VWF: variants seen among roughly 807,000 people sequenced by gnomAD.
VWF encodes the protein von Willebrand factor.
VWF carries 176 observed loss-of-function variants against 308.6 expected under a neutral mutation model. The ratio of observed to expected loss-of-function variants is 0.57; its 90% confidence interval spans 0.50 to 0.65. The LOEUF is 0.65. VWF is among the 30% of genes least tolerant of loss of function. The pLI is 0.00. For missense variants in VWF, 3,146 were observed against 3,648.2 expected (o/e 0.86, Z 3.55); for synonymous variants, 1,385 against 1,443.4 (o/e 0.96, Z 0.92).
intron 3 of VWF, among the ~76,000 whole-genome samples, chr12:6,116,930 T>G (rs1049524780): frequency 7.2e-5 from 11 of 152,182 alleles, no homozygotes; most frequent in African/African-American, 2.7e-4. Flanking sequence ...GCACGGAAAC[T>G]GAAACTGCAG....
chr12:6,071,625 A>G (rs1944783718), intron 9 of VWF, among the ~76,000 whole-genome samples: 1 of 152,232 alleles, frequency 6.6e-6, no homozygotes, highest in Non-Finnish European at 1.5e-5. Flanking sequence ...CTCAGATACC[A>G]AGAAGTCAAA....
At position 5,968,061 on chromosome 12, in the gene VWF, C is replaced by T. The variant is rs1943424109; in HGVS notation, c.7770+66G>A. Reference sequence around the variant, plus strand: ...TCTGCTTTACAATGACTTGCCTGCTCCCCTTCCCACAGTACCCCCTTCCCT... The same window carrying T: ...TCTGCTTTACAATGACTTGCCTGCTTCCCTTCCCACAGTACCCCCTTCCCT... On this transcript the variant is annotated intron_variant, in intron 46 of 51. Transcript: ENST00000261405. The T allele has an allele frequency of 7.5e-6, 12 of 1,605,006 alleles. No homozygotes were observed. In the South Asian group the frequency reaches 9.9e-5, roughly 13 times the overall value.
At chr12:5,982,132 G>A in intron 41 of VWF, 141 bp from the exon 42 acceptor site, 1 of 717,972 alleles carries the variant, frequency 1.4e-6, no homozygotes, top group Non-Finnish European at 2.3e-6. Context: ...CGGGCTGGGA[G>A]TTATTCAATG....
At chr12:6,084,309 G>A (rs1944946157) in intron 6 of VWF, among the ~76,000 whole-genome samples, 1 of 152,194 alleles carries the variant, frequency 6.6e-6, no homozygotes. Flanking sequence ...CACACTTCCA[G>A]CATCTCCCTG....
chr12:6,114,750 T>C (rs886564456), intron 3 of VWF, among the ~76,000 whole-genome samples: 1 of 152,092 alleles, frequency 6.6e-6, no homozygotes, highest in Admixed American at 6.5e-5. Flanking sequence ...GCTGAGCCTG[T>C]GTGAGGCAGC....
chr12:6,077,004 T>G (rs998501331), intron 6 of VWF, among the ~76,000 whole-genome samples: 5 of 152,144 alleles, frequency 3.3e-5, no homozygotes, highest in African/African-American at 4.8e-5. Context: ...CTCCACCCAC[T>G]TCACCATCAA....
At chr12:6,092,304 A>G (rs1945043182) in intron 6 of VWF, among the ~76,000 whole-genome samples, 1 of 151,228 alleles carries the variant, frequency 6.6e-6, no homozygotes, top group South Asian at 2.1e-4. Context: ...TAAGAGTTAA[A>G]CAGAACTGGC....
chr12:6,021,792 C>T (rs920682610), intron 27 of VWF, 108 bp downstream of exon 27: 4 of 1,273,938 alleles, frequency 3.1e-6, no homozygotes, highest in African/African-American at 1.5e-5. Context: ...TAAACTCAGT[C>T]TCTCAACTCA....
intron 38 of VWF, among the ~76,000 whole-genome samples, chr12:5,990,999 G>A (rs1943735483): frequency 6.6e-6 from 1 of 151,334 alleles, no homozygotes; most frequent in African/African-American, 2.4e-5. Flanking sequence ...CAGATCTTTG[G>A]AGTCACATAG....
intron 34 of VWF, among the ~76,000 whole-genome samples, chr12:6,010,518 T>A (rs1164706650): frequency 6.6e-6 from 1 of 152,232 alleles, no homozygotes; most frequent in African/African-American, 2.4e-5. Flanking sequence ...GAATCTACCC[T>A]GAAGACACAC....
chr12:6,075,656 C>A lies in VWF; in HGVS notation c.658-105G>T. 1 of 1,269,858 alleles carries A rather than the reference C, an allele frequency of 7.9e-7. No individual in the cohort carries two copies. Among genetic ancestry groups the A allele is most frequent in the Non-Finnish European group, 1.1e-6 (1 of 893,720 alleles). The allele number at this position is 1,269,858 out of a possible 1,614,324, so 78.7% of individuals were successfully genotyped here. On this transcript the variant is annotated intron_variant, in intron 6 of 51. Transcript: ENST00000261405. This position sits in a 1 kb window ranked among gnomAD's most constrained non-coding sequence, Gnocchi z 4.7. The stretch of plus-strand genomic sequence containing the variant: ...GGAAACCAAGGCAGCTCCCTCAGCA[C>A]CTGGGACAGGCTGGCACCAAGCACA...
intron 3 of VWF, 97 bp from the exon 4 acceptor site, chr12:6,111,065 G>C: frequency 8.6e-7 from 1 of 1,156,956 alleles, no homozygotes; most frequent in Non-Finnish European, 1.3e-6. Flanking sequence ...TTTCTCAGCA[G>C]AAAACGCCCC....
chr12:5,952,338 A>C, intron 49 of VWF, 53 bp downstream of exon 49: 1 of 1,611,628 alleles, frequency 6.2e-7, no homozygotes, highest in Non-Finnish European at 8.5e-7. Context: ...ATTCAGAAGA[A>C]TCTTGTTCTT....
chr12:6,083,954 A>T (rs1424220322), intron 6 of VWF, among the ~76,000 whole-genome samples: 1 of 152,234 alleles, frequency 6.6e-6, no homozygotes, highest in Non-Finnish European at 1.5e-5. Context: ...ACAAGGTAGA[A>T]GCCCCCACTG....
rs116626507 is a variant in VWF, at chr12:5,998,171, T to A, written c.5843-1949A>T. ...ACAAATGTTCAAAAAGACGTCCAGGTAGCCAAAGTGGGCCCTAATACTTCA... is the reference window on the plus strand; with the variant it reads ...ACAAATGTTCAAAAAGACGTCCAGGAAGCCAAAGTGGGCCCTAATACTTCA... On this transcript the variant is annotated intron_variant, in intron 34 of 51. Transcript: ENST00000261405. 5.9e-3 allele frequency among the ~76,000 whole-genome samples: 893 copies of A among 152,128 alleles called. 12 individuals carry two copies. Among genetic ancestry groups the A allele is most frequent in the African/African-American group, 0.02 (836 of 41,488 alleles).
At chr12:5,957,520 A>T (rs35926634) in intron 47 of VWF, among the ~76,000 whole-genome samples, 36,098 of 151,936 alleles carry the variant, frequency 0.24, 4,705 homozygotes, top group South Asian at 0.33. Context: ...AAAGCATCCA[A>T]TAGAAGGGGG....
chr12:6,018,453 C>T lies in VWF; in HGVS notation c.4965G>A (p.Glu1655=), dbSNP rs763509536. The change falls in exon 28 of 52, where the codon GAG becomes GAA. Residue 1655 remains glutamate, a synonymous_variant. Coordinates refer to ENST00000261405, the MANE Select transcript of VWF (RefSeq NM_000552.5). ...GGTCAGGAGCCTCTCGGGGGAGCGTCTCAAAGTCCTGGATGAGGATAGGGG... is the reference window on the plus strand; with the variant it reads ...GGTCAGGAGCCTCTCGGGGGAGCGTTTCAAAGTCCTGGATGAGGATAGGGG... The part of the protein sequence containing the change: ...PNAPILIQDF[E]TLPREAPDLV... The T allele has an allele frequency of 1.4e-5, 22 of 1,613,218 alleles. No individual in the cohort carries two copies. The highest frequency in any genetic ancestry group is 1.8e-5 in the Non-Finnish European group (21 of 1,179,696).
In VWF at chr12:5,966,660, G is replaced by A. The variant is rs887225444; in HGVS notation, c.7887+826C>T. Among the ~76,000 whole-genome samples, 22 of 126,604 alleles carry A rather than the reference G, an allele frequency of 1.7e-4. No individual in the cohort carries two copies. In the Admixed American group the frequency reaches 1.9e-3, roughly 11 times the overall value. The allele number at this position is 126,604 out of a possible 152,430, so 83.1% of individuals were successfully genotyped here. Reference sequence around the variant, plus strand: ...CTCCTCTCCACCTTGCTGCAGCCCCGACTGTCTCACCGAGCTGAGGGAGAC... The same window carrying A: ...CTCCTCTCCACCTTGCTGCAGCCCCAACTGTCTCACCGAGCTGAGGGAGAC... On this transcript the variant is annotated intron_variant, in intron 47 of 51. Coordinates refer to ENST00000261405, the MANE Select transcript of VWF (RefSeq NM_000552.5).
chr12:6,083,277 G>A (rs1394457588), intron 6 of VWF, among the ~76,000 whole-genome samples: 2 of 152,066 alleles, frequency 1.3e-5, no homozygotes, highest in Admixed American at 6.5e-5. Context: ...GCCTCCCAAA[G>A]TACTGGGATT....
Sources: allele counts gnomAD v4.1 joint callset (sites outside exome capture counted in the v4.1 genomes callset), GRCh38; gene constraint gnomAD v4.1.1; non-coding constraint Gnocchi (gnomAD v3.1); transcripts MANE v1.5; gene names NCBI Gene and HGNC (gene_info 2026-07-23, HGNC 2026-07-21).